Variants in ZBTB7C observed in about 807,000 individuals in gnomAD.
The protein encoded by ZBTB7C is zinc finger and BTB domain containing 7C.
A neutral mutation model predicts 25.7 loss-of-function variants in ZBTB7C; 8 were observed. The observed-to-expected ratio is 0.31, with a 90% confidence interval of 0.18 to 0.56. ZBTB7C has a LOEUF of 0.56. ZBTB7C is among the 20% of genes least tolerant of loss of function. The pLI is 0.91. For missense variants in ZBTB7C, 824 were observed against 855.2 expected (o/e 0.96, Z 0.46); for synonymous variants, 394 against 369.0 (o/e 1.07, Z -0.78).
intron 2 of ZBTB7C, among the ~76,000 whole-genome samples, chr18:48,186,518 GC>G (rs2042058703): frequency 6.6e-6 from 1 of 152,192 alleles, no homozygotes; most frequent in South Asian, 2.1e-4. Context: ...ACCAACAAAG[GC>G]CAGAAAATGC....
chr18:48,212,783 C>T (rs925740477), intron 2 of ZBTB7C, among the ~76,000 whole-genome samples: 5 of 151,982 alleles, frequency 3.3e-5, no homozygotes, highest in African/African-American at 9.7e-5. Context: ...ACTGTCCATG[C>T]CAGACAAGGG....
At chr18:48,074,014 CTTTTTTT>C (rs575904548) in intron 3 of ZBTB7C, among the ~76,000 whole-genome samples, 1 of 138,646 alleles carries the variant, frequency 7.2e-6, no homozygotes, top group Non-Finnish European at 1.6e-5. Flanking sequence ...AGAAAAATTT[CTTTTTTT>C]TTTTTTTTTT....
chr18:48,226,892 C>T (rs1459454329), intron 2 of ZBTB7C, among the ~76,000 whole-genome samples: 7 of 151,782 alleles, frequency 4.6e-5, no homozygotes, highest in African/African-American at 1.7e-4. Context: ...TGATGGCACA[C>T]AACTGTAGCC....
chr18:48,271,984 A>T (rs1201916496), intron 2 of ZBTB7C, among the ~76,000 whole-genome samples: 3 of 152,232 alleles, frequency 2.0e-5, no homozygotes, highest in Non-Finnish European at 4.4e-5. Flanking sequence ...CAATATAAAC[A>T]AAGTGTAATA....
At position 48,079,275 on chromosome 18, in the gene ZBTB7C, C is replaced by T. The variant is rs146181909; in HGVS notation, c.-16-38152G>A. Among the ~76,000 whole-genome samples the T allele has an allele frequency of 4.4e-3, 674 of 152,328 alleles. 2 individuals carry two copies. Among genetic ancestry groups the T allele is most frequent in the Middle Eastern group, 0.027 (8 of 294 alleles). On this transcript the variant is annotated intron_variant, in intron 3 of 4. Coordinates refer to ENST00000590800, the MANE Select transcript of ZBTB7C (RefSeq NM_001318841.2). ...GTTCAACCACAGGTAAGTCATGACTCGTTGCCCTTATTATGGGGTCCATGG... is the reference window on the plus strand; with the variant it reads ...GTTCAACCACAGGTAAGTCATGACTTGTTGCCCTTATTATGGGGTCCATGG...
intron 2 of ZBTB7C, among the ~76,000 whole-genome samples, chr18:48,197,673 A>G (rs2042348490): frequency 6.6e-6 from 1 of 152,180 alleles, no homozygotes; most frequent in Non-Finnish European, 1.5e-5. Context: ...TTCAGACACC[A>G]TCTTCTCACT....
chr18:48,318,803 G>A (rs970901858), intron 2 of ZBTB7C, among the ~76,000 whole-genome samples: 4 of 152,052 alleles, frequency 2.6e-5, no homozygotes, highest in Admixed American at 1.3e-4. Context: ...TGAGGCCCCC[G>A]CCGTCTTCTG....
rs77660305 is a variant in ZBTB7C at position 48,299,776 on chromosome 18, G to A, written c.-79+38398C>T. ...GGCCCTGTGGGGAGAGAGAGTTCAC[G>A]GAAGTGAAGTGAAAATGGCTCATGA... On this transcript the variant is annotated intron_variant, in intron 2 of 4. Transcript: ENST00000590800. Among the ~76,000 whole-genome samples the A allele has an allele frequency of 2.4e-4, 36 of 152,356 alleles. No homozygotes were observed. In the East Asian group the frequency reaches 4.4e-3, roughly 19 times the overall value.
Position 48,029,238 on chromosome 18 carries a change from G to A in ZBTB7C, c.*22C>T, listed in dbSNP as rs1484064662. On this transcript the variant is annotated 3_prime_UTR_variant, in exon 5 of 5. Transcript: ENST00000590800. ...GGGAGAAGGACTGGAGGGCTGGTGG[G>A]CTGGAGCCGACAGGGACCAGCCTAG... 1 of 1,526,528 alleles carries A rather than the reference G, an allele frequency of 6.6e-7. No individual in the cohort carries two copies. The allele number at this position is 1,526,528 out of a possible 1,614,324, so 94.6% of individuals were successfully genotyped here.
rs779543242 is a variant in ZBTB7C at position 48,343,779 on chromosome 18, C to T, written c.-303-5381G>A. On this transcript the variant is annotated intron_variant, in intron 1 of 4. Coordinates refer to ENST00000590800, the MANE Select transcript of ZBTB7C (RefSeq NM_001318841.2). Reference sequence around the variant, plus strand: ...CTGCGGATCTGGATTTTGGAACTTCCTTAACAGGCCCCCTCCTCTCTCCCA... The same window carrying T: ...CTGCGGATCTGGATTTTGGAACTTCTTTAACAGGCCCCCTCCTCTCTCCCA... Among the ~76,000 whole-genome samples, 39 of 152,246 alleles carry T rather than the reference C, an allele frequency of 2.6e-4. 1 individual carries two copies. The highest frequency in any genetic ancestry group is 3.4e-3 in the Middle Eastern group (1 of 294).
intron 3 of ZBTB7C, among the ~76,000 whole-genome samples, chr18:48,110,299 T>A (rs1423478569): frequency 6.6e-6 from 1 of 151,394 alleles, no homozygotes; most frequent in Non-Finnish European, 1.5e-5. Context: ...CATCTGTGTT[T>A]GCTGTCCATA....
chr18:48,399,856 C>T (rs1189558915), intron 1 of ZBTB7C, among the ~76,000 whole-genome samples: 1 of 152,192 alleles, frequency 6.6e-6, no homozygotes, highest in African/African-American at 2.4e-5. Context: ...GCTTAAAATA[C>T]ATTTGGGGAC....
intron 2 of ZBTB7C, among the ~76,000 whole-genome samples, chr18:48,335,585 A>C (rs189192794): frequency 6.6e-6 from 1 of 152,312 alleles, no homozygotes; most frequent in East Asian, 1.9e-4. Context: ...GACATTTCAT[A>C]GTAAATCCTG....
At chr18:48,334,423 G>C (rs1012014635) in intron 2 of ZBTB7C, among the ~76,000 whole-genome samples, 2 of 152,052 alleles carry the variant, frequency 1.3e-5, no homozygotes, top group African/African-American at 4.8e-5. Context: ...CAAGAGAAGG[G>C]GCATCTTTTA....
intron 3 of ZBTB7C, chr18:48,087,871 A>C (rs1240613392): frequency 7.2e-6 from 1 of 138,380 alleles, no homozygotes; most frequent in African/African-American, 2.8e-5. Context: ...ATTTTTCCAT[A>C]TTTTTCTTAT....
chr18:48,259,589 G>A (rs2044113227), intron 2 of ZBTB7C, among the ~76,000 whole-genome samples: 1 of 152,164 alleles, frequency 6.6e-6, no homozygotes, highest in Admixed American at 6.5e-5. Flanking sequence ...ATACCATGAA[G>A]AGAATGAAAA....
intron 2 of ZBTB7C, among the ~76,000 whole-genome samples, chr18:48,301,740 T>A (rs1481901807): frequency 1.3e-5 from 2 of 152,126 alleles, no homozygotes; most frequent in Non-Finnish European, 2.9e-5. Context: ...TCTGCAGATA[T>A]CAGATTGTGT....
intron 2 of ZBTB7C, among the ~76,000 whole-genome samples, chr18:48,273,025 TG>T (rs1370401375): frequency 6.6e-6 from 1 of 152,188 alleles, no homozygotes; most frequent in East Asian, 1.9e-4. Flanking sequence ...TGACTGTTAA[TG>T]GGTGTAGGTT....
At chr18:48,258,495 A>G (rs2044082223) in intron 2 of ZBTB7C, among the ~76,000 whole-genome samples, 1 of 152,348 alleles carries the variant, frequency 6.6e-6, no homozygotes, top group East Asian at 1.9e-4. Context: ...ATGCTCAGTA[A>G]TAAATACAAC....
Sources: gnomAD v4.1 joint callset for allele counts (sites outside exome capture counted in the v4.1 genomes callset) on GRCh38, gnomAD v4.1.1 for gene constraint, MANE v1.5 for transcripts, NCBI Gene and HGNC (gene_info 2026-07-23, HGNC 2026-07-21) for gene names.